Variants in ANTXRL observed in about 807,000 individuals in gnomAD.
ANTXRL encodes anthrax toxin receptor-like.
In ANTXRL, 63 loss-of-function variants were observed where a neutral mutation model predicts 75.4. The ratio of observed to expected loss-of-function variants is 0.84; its 90% CI spans 0.68 to 1.03. The LOEUF (loss-of-function observed/expected upper bound fraction) is 1.03. Ranked by LOEUF, ANTXRL falls within the 50% of genes least tolerant of loss-of-function variation. ANTXRL has a pLI of 0.00. For synonymous variants in ANTXRL, 335 were observed against 291.3 expected (o/e 1.15, Z -1.53); for missense variants, 797 against 789.4 (o/e 1.01, Z -0.12).
chr10:46,329,826 C>A lies in ANTXRL; in HGVS notation c.1638C>A (p.Arg546=). ...AACACAGCAGGGAGTGCCTTGCCCG[C>A]AAACAGGCTCCCTGCAGCCCAAGGA... ...HSQHSRECLA[R]KQAPCSPRIC... is the part of the protein sequence containing the mutation. The change falls in exon 17 of 17, where the codon CGC becomes CGA. Residue 546 remains arginine, a synonymous_variant. Transcript: ENST00000620264. The A allele has an allele frequency of 6.5e-7, 1 of 1,533,290 alleles. No individual in the cohort carries two copies. The highest frequency in any genetic ancestry group is 8.7e-7 in the Non-Finnish European group (1 of 1,145,724). 95.0% of individuals were successfully genotyped at this position (1,533,290 alleles called of 1,614,324 possible). A position where few individuals can be genotyped will look rare whatever the true frequency, so the allele number is the denominator to read the frequency against.
At chr10:46,320,119 T>C (rs1838911596) in intron 16 of ANTXRL, among the ~76,000 whole-genome samples, 1 of 152,184 alleles carries the variant, frequency 6.6e-6, no homozygotes, top group Admixed American at 6.5e-5. Flanking sequence ...GTTCCCATGA[T>C]AGGTCCTGTG....
chr10:46,300,295 C>T (rs1837641975), intron 9 of ANTXRL, among the ~76,000 whole-genome samples: 1 of 152,160 alleles, frequency 6.6e-6, no homozygotes, highest in African/African-American at 2.4e-5. Flanking sequence ...AACCCAAATG[C>T]AACAGAATGA....
intron 12 of ANTXRL, chr10:46,308,402 TCCCTCCCCTCCCCTC>T (rs1161949008): frequency 8.1e-6 from 2 of 246,698 alleles, no homozygotes; most frequent in Admixed American, 5.1e-5. Context: ...CCCTGCCCCT[TCCCTCCCCTCCCCTC>T]CCCTCCCCTC....
At chr10:46,294,531 G>T (rs1422754729) in intron 3 of ANTXRL, among the ~76,000 whole-genome samples, 1 of 152,142 alleles carries the variant, frequency 6.6e-6, no homozygotes, top group Non-Finnish European at 1.5e-5. Flanking sequence ...CACATGCCCG[G>T]AACTGGGCCC....
At chr10:46,296,759 C>A (rs1293166689) in intron 5 of ANTXRL, among the ~76,000 whole-genome samples, 1 of 152,160 alleles carries the variant, frequency 6.6e-6, no homozygotes, top group Non-Finnish European at 1.5e-5. Context: ...GCCCAGGTGC[C>A]ACTGGCCTGG....
At chr10:46,310,725 C>G (rs529425094) in intron 14 of ANTXRL, among the ~76,000 whole-genome samples, 1 of 152,214 alleles carries the variant, frequency 6.6e-6, no homozygotes, top group Non-Finnish European at 1.5e-5. Context: ...CAGTTCGCAG[C>G]CTGGGGTGGC....
At chr10:46,323,037 G>A (rs1554965869) in intron 16 of ANTXRL, among the ~76,000 whole-genome samples, 1 of 152,128 alleles carries the variant, frequency 6.6e-6, no homozygotes. Flanking sequence ...GATCCCACTA[G>A]AAGTAAGAAA....
chr10:46,302,307 G>T (rs1215073507), intron 9 of ANTXRL, among the ~76,000 whole-genome samples: 1 of 152,120 alleles, frequency 6.6e-6, no homozygotes, highest in Non-Finnish European at 1.5e-5. Context: ...CATGAGACAT[G>T]GTGTCTTCAG....
intron 16 of ANTXRL, among the ~76,000 whole-genome samples, chr10:46,326,825 G>A (rs1204960777): frequency 1.3e-5 from 2 of 152,094 alleles, no homozygotes; most frequent in Non-Finnish European, 2.9e-5. Flanking sequence ...GAAAACATCC[G>A]TGTTCCTCCA....
intron 16 of ANTXRL, among the ~76,000 whole-genome samples, chr10:46,328,452 A>G (rs1320316422): frequency 1.3e-5 from 2 of 152,152 alleles, no homozygotes; most frequent in Non-Finnish European, 2.9e-5. Context: ...TCCAGCCATC[A>G]CACTCATATT....
Position 46,297,290 on chromosome 10 carries a change from G to T in ANTXRL, c.547G>T (p.Glu183Ter). Residue 183 changes from glutamate (E) to a stop codon, truncating the protein, a stop_gained, in exon 6 of 17, where the codon GAA becomes TAA. Coordinates refer to ENST00000620264, the MANE Select transcript of ANTXRL (RefSeq NM_001278688.3). LOFTEE classifies it high-confidence loss of function. ...CATGATTATTGCTATGACTGATGGA[G>T]AACTGGTGGCACATGCATTTCAGGA... Reference protein sequence around the residue: ...PSMIIAMTDGELVAHAFQDTL... With the variant: ...PSMIIAMTDG The T allele has an allele frequency of 3.3e-6, 5 of 1,536,554 alleles. No homozygotes were observed. Among genetic ancestry groups the T allele is most frequent in the Non-Finnish European group, 4.4e-6 (5 of 1,146,882 alleles).
intron 12 of ANTXRL, chr10:46,308,438 C>T: frequency 2.4e-6 from 1 of 420,990 alleles, no homozygotes; most frequent in East Asian, 8.3e-5. Context: ...CTCTCCACTC[C>T]CCTCCCCTCC....
At chr10:46,313,671 T>C (rs1424592775) in intron 16 of ANTXRL, among the ~76,000 whole-genome samples, 1 of 152,154 alleles carries the variant, frequency 6.6e-6, no homozygotes, top group Non-Finnish European at 1.5e-5. Flanking sequence ...TTATTATGAA[T>C]GAAGACTAAT....
intron 15 of ANTXRL, among the ~76,000 whole-genome samples, chr10:46,312,718 G>A (rs1225507663): frequency 2.0e-5 from 3 of 148,538 alleles, no homozygotes; most frequent in Non-Finnish European, 4.5e-5. Flanking sequence ...TGACTGCAGC[G>A]CCGAGTGGCC....
rs1837915316 is a variant in ANTXRL, at chr10:46,304,010, G to A, written c.895+1190G>A. On this transcript the variant is annotated intron_variant, in intron 10 of 16. Transcript: ENST00000620264. ...TCTTGACCTTTTTCCTCCTTTCCATGAGTACATAGGAAGGGGCTGAGCCTG... is the reference window on the plus strand; with the variant it reads ...TCTTGACCTTTTTCCTCCTTTCCATAAGTACATAGGAAGGGGCTGAGCCTG... 2.0e-5 allele frequency among the ~76,000 whole-genome samples: 3 copies of A among 152,118 alleles called. No individual in the cohort carries two copies. In the South Asian group the frequency reaches 6.2e-4, roughly 32 times the overall value.
In ANTXRL at chr10:46,293,868, C is replaced by T. The variant is rs187508703; in HGVS notation, c.360C>T (p.Asp120=). 21 of 1,535,742 alleles carry T rather than the reference C, an allele frequency of 1.4e-5. No homozygotes were observed. The East Asian group carries it at 1.7e-4, about 13-fold the overall frequency. The change falls in exon 3 of 17, where the codon GAC becomes GAT. Residue 120 remains aspartate (D), a synonymous_variant. Transcript: ENST00000620264. ...IRMCFITYST[D]GQTVLPLTSD... is the part of the protein sequence containing the mutation. The stretch of plus-strand genomic sequence containing the variant: ...TGTGCTTCATCACCTACTCCACAGA[C>T]GGCCAGACTGTCTTGCCACTCACCT...
intron 16 of ANTXRL, among the ~76,000 whole-genome samples, chr10:46,318,457 A>C (rs1280828372): frequency 6.6e-6 from 1 of 152,130 alleles, no homozygotes; most frequent in Non-Finnish European, 1.5e-5. Flanking sequence ...TTTTAGTGAA[A>C]ATTGTAATGA....
intron 3 of ANTXRL, among the ~76,000 whole-genome samples, chr10:46,295,066 C>G (rs1837285132): frequency 6.6e-6 from 1 of 152,198 alleles, no homozygotes; most frequent in South Asian, 2.1e-4. Context: ...CATGCCCCGG[C>G]CAGTCCGCAG....
intron 10 of ANTXRL, 56 bp from the exon 11 acceptor site, chr10:46,306,747 G>T: frequency 7.1e-7 from 1 of 1,415,088 alleles, no homozygotes; most frequent in South Asian, 1.4e-5. Context: ...CAGACATGGG[G>T]AGGAACAGTG....
Sources: allele counts gnomAD v4.1 joint callset (sites outside exome capture counted in the v4.1 genomes callset), GRCh38; gene constraint gnomAD v4.1.1; transcripts MANE v1.5; gene names NCBI Gene and HGNC (gene_info 2026-07-23, HGNC 2026-07-21).